CTDP1: variants seen among roughly 807,000 people sequenced by gnomAD.
CTDP1 encodes the protein CTD phosphatase 1.
CTDP1 carries 47 observed loss-of-function variants against 91.8 expected under a neutral mutation model. That is an observed-to-expected ratio of 0.51 (90% CI 0.41 to 0.65). The LOEUF (loss-of-function observed/expected upper bound fraction) is 0.65. Ranked by LOEUF, CTDP1 falls within the 30% of genes least tolerant of loss-of-function variation. CTDP1 has a pLI of 0.00. For synonymous variants in CTDP1, 656 were observed against 598.5 expected, an observed-to-expected ratio of 1.10 and a Z score of -1.40; for missense variants, 1,272 against 1,373.7, an observed-to-expected ratio of 0.93 and a Z score of 1.17.
At position 79,753,568 on chromosome 18, in the gene CTDP1, G is replaced by A; in HGVS notation, c.2748-84G>A. 5 of 1,606,364 alleles carry A rather than the reference G, an allele frequency of 3.1e-6. 1 individual carries two copies. The East Asian group carries it at 8.9e-5, about 29-fold the overall frequency. On this transcript the variant is annotated intron_variant, in intron 12 of 12. Coordinates refer to ENST00000613122, the MANE Select transcript of CTDP1 (RefSeq NM_004715.5). ...GCCGTCTTGTGTTAAAACCACGGAA[G>A]CCACTTCCCAAATGCAGACCAGGCG...
At chr18:79,736,575 T>C (rs1187359578) in intron 12 of CTDP1, 54 bp downstream of exon 12, 2 of 1,466,322 alleles carry the variant, frequency 1.4e-6, no homozygotes, top group South Asian at 1.3e-5. Flanking sequence ...CGGAGGTGAC[T>C]CTGCAGTTGG....
rs918184888 is a variant in CTDP1 at position 79,717,387 on chromosome 18, G to A, written c.2069-148G>A. 12 of 1,155,060 alleles carry A rather than the reference G, an allele frequency of 1.0e-5. No individual in the cohort carries two copies. The African/African-American group carries it at 1.8e-4, about 18-fold the overall frequency. 71.6% of individuals were successfully genotyped at this position (1,155,060 alleles called of 1,614,324 possible). On this transcript the variant is annotated intron_variant, in intron 8 of 12. Coordinates refer to ENST00000613122, the MANE Select transcript of CTDP1 (RefSeq NM_004715.5). Reference sequence around the variant, plus strand: ...CTGAGCCCTGCAGGGGTGCAGTCAGGTGAAGGCCCTGGTGGGATGCAGCCG... The same window carrying A: ...CTGAGCCCTGCAGGGGTGCAGTCAGATGAAGGCCCTGGTGGGATGCAGCCG...
intron 4 of CTDP1, among the ~76,000 whole-genome samples, chr18:79,700,443 T>C (rs532660791): frequency 6.0e-4 from 91 of 152,282 alleles, no homozygotes; most frequent in African/African-American, 1.9e-3. Context: ...GTTTTAGTGG[T>C]CTGAGTAGAA....
chr18:79,754,045 C>T lies in CTDP1; in HGVS notation c.*255C>T, dbSNP rs1220888728. The T allele has an allele frequency of 5.5e-6, 3 of 542,470 alleles. No individual in the cohort carries two copies. Among genetic ancestry groups the T allele is most frequent in the African/African-American group, 1.9e-5 (1 of 52,524 alleles). The allele number at this position is 542,470 out of a possible 1,614,324, so 33.6% of individuals were successfully genotyped here. A position where few individuals can be genotyped will look rare whatever the true frequency, so the allele number is the denominator to read the frequency against. On this transcript the variant is annotated 3_prime_UTR_variant, in exon 13 of 13. Coordinates refer to ENST00000613122, the MANE Select transcript of CTDP1 (RefSeq NM_004715.5). ...TGTGCCAAAGAGCTCAGCAGAGGCT[C>T]ACGTGGCCCAGGCTGGTGCGCCCGC... is the stretch of plus-strand genomic sequence containing the variant.
intron 1 of CTDP1, among the ~76,000 whole-genome samples, chr18:79,690,576 C>G (rs895197968): frequency 6.6e-6 from 1 of 152,190 alleles, no homozygotes; most frequent in Non-Finnish European, 1.5e-5. Context: ...GCTTTTCACC[C>G]CTGTTTTCTG....
At chr18:79,724,535 G>A (rs554579044) in intron 10 of CTDP1, among the ~76,000 whole-genome samples, 76 of 152,242 alleles carry the variant, frequency 5.0e-4, no homozygotes, top group Admixed American at 1.1e-3. Flanking sequence ...CTGCATTTCC[G>A]TGGTGAATAA....
rs757242194 is a variant in CTDP1, at chr18:79,714,500, C to T, written c.1040C>T (p.Ser347Phe). ...ESQTRKKVNH[S>F]RGTEVSEPSP... ...TTGCATGCATATTTAGTAAATCATT[C>T]TCGAGGCACTGAGGTCTCAGAGCCA... The change falls in exon 8 of 13, where the codon TCT becomes TTT. Residue 347 changes from serine to phenylalanine, a missense_variant. Physicochemically the swap from Ser to Phe is radical, Grantham distance 155. Around this residue, in one of 3 missense-constraint regions of CTDP1, gnomAD observed 881 missense variants for 911.6 expected, o/e 0.97. Transcript: ENST00000613122. 5 of 1,613,126 alleles carry T rather than the reference C, an allele frequency of 3.1e-6. No individual in the cohort carries two copies. The highest frequency in any genetic ancestry group is 4.2e-6 in the Non-Finnish European group (5 of 1,180,024).
At chr18:79,712,858 C>A in intron 6 of CTDP1, 114 bp from the exon 7 acceptor site, 2 of 1,159,600 alleles carry the variant, frequency 1.7e-6, no homozygotes, top group Admixed American at 1.9e-5. Flanking sequence ...GTCTGATTAA[C>A]CTGCTGTCTG....
chr18:79,715,654 C>A, intron 8 of CTDP1, 126 bp downstream of exon 8: 1 of 1,077,470 alleles, frequency 9.3e-7, no homozygotes, highest in South Asian at 1.6e-5. Context: ...GAATCACCAT[C>A]TTTTAAGAAT....
chr18:79,690,312 A>G (rs542012736), intron 1 of CTDP1, among the ~76,000 whole-genome samples: 22 of 152,296 alleles, frequency 1.4e-4, no homozygotes, highest in African/African-American at 5.3e-4. Flanking sequence ...TTTGGTACTT[A>G]CTATACTTGT....
chr18:79,727,481 C>T (rs1398827325), intron 10 of CTDP1, among the ~76,000 whole-genome samples: 2 of 151,478 alleles, frequency 1.3e-5, no homozygotes, highest in Non-Finnish European at 1.5e-5. Context: ...GCGGCTTTCG[C>T]GGGGTGGGAA....
At chr18:79,710,289 C>T in intron 5 of CTDP1, 57 bp from the exon 6 acceptor site, 1 of 1,332,538 alleles carries the variant, frequency 7.5e-7, no homozygotes, top group Non-Finnish European at 1.1e-6. Flanking sequence ...TCACCATGTG[C>T]CGTGTGACCG....
chr18:79,694,549 ACACCTAGGGTCAGGC>A (rs2085706800), intron 1 of CTDP1, among the ~76,000 whole-genome samples: 1 of 80,100 alleles, frequency 1.2e-5, no homozygotes, highest in African/African-American at 5.9e-5. Flanking sequence ...GGGGCTGCGG[ACACCTAGGGTCAGGC>A]GCTGAGTGCT....
At chr18:79,716,812 G>A (rs1013385110) in intron 8 of CTDP1, among the ~76,000 whole-genome samples, 1 of 152,254 alleles carries the variant, frequency 6.6e-6, no homozygotes, top group African/African-American at 2.4e-5. Flanking sequence ...CCTCACTGTT[G>A]AGAGGCTTTG....
At chr18:79,697,454 G>C (rs115231403) in intron 3 of CTDP1, among the ~76,000 whole-genome samples, 1 of 152,326 alleles carries the variant, frequency 6.6e-6, no homozygotes, top group South Asian at 2.1e-4. Flanking sequence ...TTCTGAGCGC[G>C]GGAGATTCTG....
chr18:79,748,313 C>T (rs2086921087), intron 12 of CTDP1, among the ~76,000 whole-genome samples: 1 of 152,228 alleles, frequency 6.6e-6, no homozygotes. Flanking sequence ...GAGGCGCTCC[C>T]TGTACTTCAT....
rs1229401140 is a variant in CTDP1, at chr18:79,726,807, G to A, written c.2418-2100G>A. On this transcript the variant is annotated intron_variant, in intron 10 of 12. Coordinates refer to ENST00000613122, the MANE Select transcript of CTDP1 (RefSeq NM_004715.5). ...GACGGCTGTGGGGGAAGGGGGTGACGCTGTTGCTGGTGGACGGCTGTGGGG... is the reference window on the plus strand; with the variant it reads ...GACGGCTGTGGGGGAAGGGGGTGACACTGTTGCTGGTGGACGGCTGTGGGG... Among the ~76,000 whole-genome samples, 420 of 127,952 alleles carry A rather than the reference G, an allele frequency of 3.3e-3. 3 individuals are homozygous for A. The highest frequency in any genetic ancestry group is 0.013 in the African/African-American group (391 of 29,114). 83.9% of individuals were successfully genotyped at this position (127,952 alleles called of 152,430 possible).
At chr18:79,689,975 T>A (rs2085586790) in intron 1 of CTDP1, among the ~76,000 whole-genome samples, 2 of 152,218 alleles carry the variant, frequency 1.3e-5, no homozygotes, top group Non-Finnish European at 2.9e-5. Flanking sequence ...TCTAGGCTGC[T>A]GCTCTCCTGG....
rs372125583 is a variant in CTDP1, at chr18:79,717,820, C to T, written c.2221C>T (p.Pro741Ser). The change falls in exon 10 of 13, where the codon CCT (proline) becomes TCT (serine). Residue 741 changes from proline to serine, a missense_variant. Coordinates refer to ENST00000613122, the MANE Select transcript of CTDP1 (RefSeq NM_004715.5). ...CTCTTCCTCCGACAGGGAGAACAGC[C>T]CTGCGGCCTTTCCCGACCGGGAGGG... ...DHTKAQRENS[P>S]AAFPDREGVP... 6.3e-5 allele frequency: 101 copies of T among 1,613,672 alleles called. No individual in the cohort carries two copies. The highest frequency in any genetic ancestry group is 8.4e-5 in the Non-Finnish European group (99 of 1,180,022).
Sources: gnomAD v4.1 joint callset for allele counts (sites outside exome capture counted in the v4.1 genomes callset) on GRCh38, gnomAD v4.1.1 for gene constraint, gnomAD v4.1.1 regional missense constraint, MANE v1.5 for transcripts, NCBI Gene and HGNC (gene_info 2026-07-23, HGNC 2026-07-21) for gene names.